NFYC: variants seen among roughly 807,000 people sequenced by gnomAD.
NFYC encodes the protein nuclear transcription factor Y subunit gamma.
A neutral mutation model predicts 53.1 loss-of-function variants in NFYC; 25 were observed. The observed-to-expected ratio is 0.47, with a 90% CI of 0.34 to 0.66. The LOEUF is 0.66. NFYC is among the 30% of genes least tolerant of loss of function. NFYC has a pLI of 0.01. For missense variants in NFYC, 260 were observed against 422.7 expected, an observed-to-expected ratio of 0.62 and a Z score of 3.38; for synonymous variants, 145 against 152.6, an observed-to-expected ratio of 0.95 and a Z score of 0.37.
chr1:40,760,347 G>C (rs188990833), intron 6 of NFYC, among the ~76,000 whole-genome samples: 1 of 152,158 alleles, frequency 6.6e-6, no homozygotes. Context: ...CAGGAGGGTC[G>C]CATGGGCCCG....
chr1:40,705,467 G>A (rs1643651733), intron 1 of NFYC, among the ~76,000 whole-genome samples: 1 of 152,222 alleles, frequency 6.6e-6, no homozygotes, highest in Non-Finnish European at 1.5e-5. Flanking sequence ...AAGAATTACA[G>A]TACCTATAAC....
rs777140953 is a variant in NFYC at position 40,738,828 on chromosome 1, A to G, written c.-8-8A>G. On this transcript the variant is annotated splice_polypyrimidine_tract_variant and splice_region_variant and intron_variant, in intron 1 of 9. Coordinates refer to ENST00000447388, the MANE Select transcript of NFYC (RefSeq NM_014223.5). ...TCTAATGTGTCTTATGTATGTGTTT[A>G]TTTTCAGTTGTCGAGATGTCCACAG... is the stretch of plus-strand genomic sequence containing the variant. 8 of 1,605,728 alleles carry G rather than the reference A, an allele frequency of 5.0e-6. No individual in the cohort carries two copies. In the East Asian group the frequency reaches 8.9e-5, roughly 18 times the overall value.
At chr1:40,745,401 G>A (rs1046930523) in intron 2 of NFYC, among the ~76,000 whole-genome samples, 1 of 152,130 alleles carries the variant, frequency 6.6e-6, no homozygotes. Flanking sequence ...GCATTTCTAT[G>A]TAGTGTCATC....
At chr1:40,769,933 C>G (rs570003361) in intron 9 of NFYC, among the ~76,000 whole-genome samples, 62 of 152,160 alleles carry the variant, frequency 4.1e-4, no homozygotes, top group Non-Finnish European at 7.1e-4. Context: ...GTCCCAGAGA[C>G]CACTGAGGAC....
At chr1:40,763,760 T>A (rs146302448) in intron 7 of NFYC, among the ~76,000 whole-genome samples, 2 of 152,340 alleles carry the variant, frequency 1.3e-5, no homozygotes, top group East Asian at 3.9e-4. Flanking sequence ...TTTCCTTTAA[T>A]CTAGGTTCAG....
Position 40,762,876 on chromosome 1 carries a change from T to C in NFYC, c.562-12T>C. 6.4e-7 allele frequency: 1 copy of C among 1,571,198 alleles called. No homozygotes were observed. On this transcript the variant is annotated splice_polypyrimidine_tract_variant and intron_variant, in intron 6 of 9. Coordinates refer to ENST00000447388, the MANE Select transcript of NFYC (RefSeq NM_014223.5). ...TGAACTCACGCAGCATTCTCATAACTCTTCCTTTCAGACCACACCTGTGAC... is the reference window on the plus strand; with the variant it reads ...TGAACTCACGCAGCATTCTCATAACCCTTCCTTTCAGACCACACCTGTGAC...
chr1:40,746,323 G>T (rs947291315), intron 2 of NFYC, among the ~76,000 whole-genome samples: 10 of 152,102 alleles, frequency 6.6e-5, no homozygotes, highest in African/African-American at 1.9e-4. Context: ...TAGATGTCTT[G>T]GTGTACATTT....
chr1:40,751,882 A>G (rs1448665950), intron 4 of NFYC, among the ~76,000 whole-genome samples: 1 of 152,146 alleles, frequency 6.6e-6, no homozygotes, highest in Non-Finnish European at 1.5e-5. Flanking sequence ...AGTTCTGGCA[A>G]TCTTAAGATG....
chr1:40,749,375 T>C (rs1645787227), intron 3 of NFYC, among the ~76,000 whole-genome samples, 198 bp from the exon 4 acceptor site: 1 of 152,206 alleles, frequency 6.6e-6, no homozygotes, highest in South Asian at 2.1e-4. Flanking sequence ...GCGCATGGTA[T>C]GTGCTAGATA....
At chr1:40,739,268 C>G (rs988388921) in intron 2 of NFYC, among the ~76,000 whole-genome samples, 2 of 152,174 alleles carry the variant, frequency 1.3e-5, no homozygotes, top group Non-Finnish European at 2.9e-5. Flanking sequence ...GTAGCTGTAG[C>G]TCAATTTTTT....
At chr1:40,760,771 T>C (rs1001669718) in intron 6 of NFYC, among the ~76,000 whole-genome samples, 2 of 152,170 alleles carry the variant, frequency 1.3e-5, no homozygotes, top group African/African-American at 4.8e-5. Context: ...CTCATTTTAC[T>C]TATCCATATA....
chr1:40,745,513 C>T (rs1645566108), intron 2 of NFYC, among the ~76,000 whole-genome samples: 1 of 152,210 alleles, frequency 6.6e-6, no homozygotes, highest in South Asian at 2.1e-4. Context: ...CCAGTATCCT[C>T]TTTCCTGCTT....
intron 1 of NFYC, among the ~76,000 whole-genome samples, chr1:40,720,623 T>C (rs1052794962): frequency 6.6e-6 from 1 of 152,188 alleles, no homozygotes; most frequent in Non-Finnish European, 1.5e-5. Flanking sequence ...TCCCAGCACT[T>C]TGGCAGGCCA....
intron 1 of NFYC, among the ~76,000 whole-genome samples, chr1:40,716,268 GA>G (rs1351097218): frequency 6.6e-6 from 1 of 152,186 alleles, no homozygotes; most frequent in East Asian, 1.9e-4. Context: ...CAGAGGAGGG[GA>G]GACGTTCGCT....
rs114686791 is a variant in NFYC at position 40,753,819 on chromosome 1, T to C, written c.387+573T>C. 1.2e-3 allele frequency among the ~76,000 whole-genome samples: 179 copies of C among 152,316 alleles called. 1 individual carries two copies. The highest frequency in any genetic ancestry group is 4.2e-3 in the African/African-American group (174 of 41,564). On this transcript the variant is annotated intron_variant, in intron 5 of 9. Transcript: ENST00000447388. ...CCTTTTAAAACTCCCTGGATGCTTT[T>C]AATGTGCAGTCAGATTTGAGAACCA...
chr1:40,737,127 CAAAAAAAAAA>C (rs1161900883), intron 1 of NFYC, among the ~76,000 whole-genome samples: 1 of 88,808 alleles, frequency 1.1e-5, no homozygotes, highest in Non-Finnish European at 2.2e-5. Context: ...AACTCTGTCT[CAAAAAAAAAA>C]AAAAAAAAAA....
intron 1 of NFYC, chr1:40,735,347 A>G (rs1279116072): frequency 6.5e-6 from 1 of 152,760 alleles, no homozygotes; most frequent in African/African-American, 2.4e-5. Flanking sequence ...AAAATTTGAT[A>G]ACTTCTGTTT....
chr1:40,719,104 C>A (rs1179566045), intron 1 of NFYC, among the ~76,000 whole-genome samples: 1 of 152,090 alleles, frequency 6.6e-6, no homozygotes, highest in Non-Finnish European at 1.5e-5. Context: ...CTTATGACCT[C>A]GTGATCTGCC....
intron 1 of NFYC, among the ~76,000 whole-genome samples, chr1:40,706,687 T>A (rs1202384071): frequency 6.6e-6 from 1 of 152,144 alleles, no homozygotes; most frequent in Non-Finnish European, 1.5e-5. Flanking sequence ...AAGAAAAACA[T>A]GCTAATTGAT....
Sources: allele counts gnomAD v4.1 joint callset (sites outside exome capture counted in the v4.1 genomes callset), GRCh38; gene constraint gnomAD v4.1.1; transcripts MANE v1.5; gene names NCBI Gene and HGNC (gene_info 2026-07-23, HGNC 2026-07-21).